The following GALNT17 variants were observed in gnomAD, a reference collection of about 807,000 sequenced individuals.
GALNT17 encodes polypeptide N-acetylgalactosaminyltransferase 17.
Under a neutral mutation model 63.7 loss-of-function variants are expected in GALNT17, and 29 were observed. The ratio of observed to expected loss-of-function variants is 0.46; its 90% CI spans 0.34 to 0.62. GALNT17 has a LOEUF of 0.62. Ranked by LOEUF, GALNT17 falls within the 20% of genes least tolerant of loss-of-function variation. GALNT17 has a pLI of 0.01. For synonymous variants in GALNT17, 305 were observed against 318.3 expected, an observed-to-expected ratio of 0.96 and a Z score of 0.45; for missense variants, 603 against 799.6, an observed-to-expected ratio of 0.75 and a Z score of 2.97.
chr7:71,698,764 A>G (rs966012570), intron 9 of GALNT17, among the ~76,000 whole-genome samples: 8 of 152,170 alleles, frequency 5.3e-5, no homozygotes, highest in Non-Finnish European at 1.2e-4. Context: ...GTACAAATAT[A>G]TCATTAATTA....
intron 5 of GALNT17, among the ~76,000 whole-genome samples, chr7:71,552,036 T>C (rs1356864539): frequency 3.3e-5 from 5 of 150,572 alleles, no homozygotes; most frequent in Non-Finnish European, 7.4e-5. Context: ...ATTTATTTAT[T>C]TATTTATTTA....
chr7:71,458,381 G>A (rs113648725), intron 5 of GALNT17, among the ~76,000 whole-genome samples: 21 of 152,290 alleles, frequency 1.4e-4, no homozygotes, highest in African/African-American at 2.4e-4. Flanking sequence ...GTGCAGGAGC[G>A]GGGGCGAGTG....
At chr7:71,385,081 G>A (rs905431973) in intron 2 of GALNT17, among the ~76,000 whole-genome samples, 3 of 152,192 alleles carry the variant, frequency 2.0e-5, no homozygotes, top group African/African-American at 7.2e-5. Context: ...CTTGGGTGTG[G>A]CAGATGTTAG....
chr7:71,503,107 C>G (rs1788206504), intron 5 of GALNT17, among the ~76,000 whole-genome samples: 1 of 152,186 alleles, frequency 6.6e-6, no homozygotes, highest in Non-Finnish European at 1.5e-5. Flanking sequence ...CCCCATGATT[C>G]TGTCCACAGC....
At chr7:71,711,604 A>C in intron 10 of GALNT17, among the ~76,000 whole-genome samples, 37 of 122,420 alleles carry the variant, frequency 3.0e-4, no homozygotes, top group East Asian at 7.3e-4. Context: ...TCTCTCCTCT[A>C]TCTCCTGTCT....
chr7:71,164,754 C>T (rs1374212773), intron 1 of GALNT17, among the ~76,000 whole-genome samples: 1 of 152,150 alleles, frequency 6.6e-6, no homozygotes, highest in Non-Finnish European at 1.5e-5. Flanking sequence ...GTCATTCATT[C>T]ACTTTTAAAG....
chr7:71,194,635 T>C (rs938008435), intron 1 of GALNT17, among the ~76,000 whole-genome samples: 5 of 152,218 alleles, frequency 3.3e-5, no homozygotes, highest in African/African-American at 7.2e-5. Context: ...AGCACCTGTG[T>C]GTCCCTGGCT....
At chr7:71,664,544 A>T (rs1255189795) in intron 6 of GALNT17, among the ~76,000 whole-genome samples, 1 of 152,182 alleles carries the variant, frequency 6.6e-6, no homozygotes, top group Admixed American at 6.5e-5. Flanking sequence ...CCAGGAGTTC[A>T]AAGTTATAGT....
At chr7:71,682,124 G>C (rs1381743342) in intron 9 of GALNT17, among the ~76,000 whole-genome samples, 1 of 151,940 alleles carries the variant, frequency 6.6e-6, no homozygotes, top group South Asian at 2.1e-4. Context: ...ATGGTGTTTC[G>C]CCACGTTGGT....
chr7:71,565,838 C>T (rs541983865), intron 5 of GALNT17, among the ~76,000 whole-genome samples: 50 of 142,392 alleles, frequency 3.5e-4, no homozygotes, highest in African/African-American at 1.3e-3. Context: ...TTTTTCTCTT[C>T]TCTTTTCTTT....
chr7:71,703,953 G>A (rs1791688858), intron 9 of GALNT17, among the ~76,000 whole-genome samples: 1 of 152,136 alleles, frequency 6.6e-6, no homozygotes, highest in Admixed American at 6.6e-5. Flanking sequence ...GATTGAGGAG[G>A]AAGAACACAT....
At chr7:71,355,552 A>G (rs928753791) in intron 2 of GALNT17, among the ~76,000 whole-genome samples, 7 of 151,464 alleles carry the variant, frequency 4.6e-5, no homozygotes, top group Non-Finnish European at 8.8e-5. Flanking sequence ...TTTTTTTTTA[A>G]GATGGAGTCT....
At chr7:71,615,729 C>T (rs993015165) in intron 6 of GALNT17, among the ~76,000 whole-genome samples, 2 of 152,120 alleles carry the variant, frequency 1.3e-5, no homozygotes, top group South Asian at 2.1e-4. Flanking sequence ...CCACCCACCT[C>T]GGCCTCCCAA....
intron 6 of GALNT17, among the ~76,000 whole-genome samples, chr7:71,640,562 A>C (rs899899074): frequency 6.6e-6 from 1 of 152,186 alleles, no homozygotes; most frequent in Non-Finnish European, 1.5e-5. Flanking sequence ...AAATACTTAA[A>C]TATCCTCTTG....
chr7:71,135,721 C>T (rs953021117), intron 1 of GALNT17, among the ~76,000 whole-genome samples: 1 of 152,202 alleles, frequency 6.6e-6, no homozygotes, highest in Non-Finnish European at 1.5e-5. Flanking sequence ...CTGCTGCCTA[C>T]ATCAAGCAGA....
chr7:71,280,436 C>A (rs934042150), intron 1 of GALNT17, among the ~76,000 whole-genome samples: 1 of 152,094 alleles, frequency 6.6e-6, no homozygotes, highest in Non-Finnish European at 1.5e-5. Context: ...CCACCTTCAC[C>A]AAGAGAGGAA....
chr7:71,143,445 C>A (rs551432559), intron 1 of GALNT17, among the ~76,000 whole-genome samples: 3 of 150,622 alleles, frequency 2.0e-5, no homozygotes, highest in South Asian at 2.1e-4. Flanking sequence ...GAAATGGATG[C>A]CCTTGAGAGG....
intron 1 of GALNT17, among the ~76,000 whole-genome samples, chr7:71,153,626 A>G (rs943753101): frequency 6.6e-6 from 1 of 152,192 alleles, no homozygotes; most frequent in African/African-American, 2.4e-5. Flanking sequence ...TTAAAAATGT[A>G]TCTACAGGCC....
intron 5 of GALNT17, among the ~76,000 whole-genome samples, chr7:71,444,520 A>T (rs1231188404): frequency 6.6e-6 from 1 of 151,928 alleles, no homozygotes; most frequent in Non-Finnish European, 1.5e-5. Flanking sequence ...TATCCAACAC[A>T]TCTCTCCCTC....
Sources: allele counts gnomAD v4.1 joint callset (sites outside exome capture counted in the v4.1 genomes callset), GRCh38; gene constraint gnomAD v4.1.1; transcripts MANE v1.5; gene names NCBI Gene and HGNC (gene_info 2026-07-23, HGNC 2026-07-21).